Variants in DOCK4 observed in about 807,000 individuals in gnomAD.
The protein encoded by DOCK4 is dedicator of cytokinesis 4.
A neutral mutation model predicts 268.1 loss-of-function variants in DOCK4; 97 were observed. The observed-to-expected ratio is 0.36, with a 90% CI of 0.31 to 0.43. DOCK4 has a LOEUF of 0.43. Among genes scored for constraint, DOCK4 ranks in the 20% least tolerant of loss-of-function variants. DOCK4 has a pLI of 1.00. For synonymous variants in DOCK4, 954 were observed against 887.2 expected, an observed-to-expected ratio of 1.08 and a Z score of -1.34; for missense variants, 2,145 against 2,455.7, an observed-to-expected ratio of 0.87 and a Z score of 2.67.
intron 1 of DOCK4, among the ~76,000 whole-genome samples, chr7:112,172,511 A>G (rs542949212): frequency 6.6e-6 from 1 of 152,236 alleles, no homozygotes; most frequent in Non-Finnish European, 1.5e-5. Context: ...TATCAAGAGA[A>G]CAAGTGACTT....
intron 1 of DOCK4, among the ~76,000 whole-genome samples, chr7:112,119,466 T>G (rs1345499166): frequency 6.6e-6 from 1 of 152,196 alleles, no homozygotes; most frequent in Non-Finnish European, 1.5e-5. Context: ...AGATCTACAG[T>G]GCTGTTGGCA....
chr7:112,128,190 T>C (rs1412178347), intron 1 of DOCK4, among the ~76,000 whole-genome samples: 1 of 152,234 alleles, frequency 6.6e-6, no homozygotes, highest in African/African-American at 2.4e-5. Context: ...AGATTCTAAG[T>C]TCTGTAACCA....
At chr7:111,774,361 A>C (rs1269404346) in intron 36 of DOCK4, among the ~76,000 whole-genome samples, 1 of 152,114 alleles carries the variant, frequency 6.6e-6, no homozygotes, top group Non-Finnish European at 1.5e-5. Flanking sequence ...TCAGCTGCTC[A>C]GGAGTCTGAG....
At chr7:112,190,936 G>C (rs1431345261) in intron 1 of DOCK4, among the ~76,000 whole-genome samples, 1 of 152,172 alleles carries the variant, frequency 6.6e-6, no homozygotes, top group Non-Finnish European at 1.5e-5. Flanking sequence ...GAAGCCCCAG[G>C]TCCCAGCAGA....
At chr7:112,075,745 G>A (rs1808007729) in intron 1 of DOCK4, among the ~76,000 whole-genome samples, 1 of 151,784 alleles carries the variant, frequency 6.6e-6, no homozygotes, top group African/African-American at 2.4e-5. Flanking sequence ...ACTTTTGATA[G>A]TGCAAACATA....
intron 8 of DOCK4, among the ~76,000 whole-genome samples, chr7:111,961,709 C>A (rs1796910232): frequency 6.6e-6 from 1 of 152,186 alleles, no homozygotes; most frequent in Non-Finnish European, 1.5e-5. Context: ...ATATAACACT[C>A]AATGTCCTAG....
chr7:112,066,221 C>G (rs6958532), intron 1 of DOCK4, among the ~76,000 whole-genome samples: 1 of 151,874 alleles, frequency 6.6e-6, no homozygotes, highest in Non-Finnish European at 1.5e-5. Context: ...AGGGTCCAAA[C>G]AGAACAAAAG....
intron 8 of DOCK4, among the ~76,000 whole-genome samples, chr7:111,954,560 G>T (rs181723325): frequency 2.0e-5 from 3 of 152,134 alleles, no homozygotes; most frequent in Non-Finnish European, 4.4e-5. Flanking sequence ...GTCCCAAGGC[G>T]CAAGACCCAG....
intron 8 of DOCK4, among the ~76,000 whole-genome samples, chr7:111,961,595 G>A (rs1375496027): frequency 6.6e-6 from 1 of 152,158 alleles, no homozygotes; most frequent in African/African-American, 2.4e-5. Flanking sequence ...AGCATACAAG[G>A]TATTTTCTCT....
intron 22 of DOCK4, among the ~76,000 whole-genome samples, 157 bp downstream of exon 22, chr7:111,867,827 G>A (rs1385432858): frequency 1.3e-5 from 2 of 152,156 alleles, no homozygotes; most frequent in Non-Finnish European, 2.9e-5. Context: ...GAAGGTAGGG[G>A]AATTTTAAAA....
In DOCK4 at chr7:112,083,490, C is replaced by G. The variant is rs548720537; in HGVS notation, c.38-79359G>C. Among the ~76,000 whole-genome samples, 4 of 152,086 alleles carry G rather than the reference C, an allele frequency of 2.6e-5. 1 individual carries two copies. In the South Asian group the frequency reaches 8.3e-4, roughly 32 times the overall value. On this transcript the variant is annotated intron_variant, in intron 1 of 52. Transcript: ENST00000428084. ...TTTTATCTTTACATGTTGAGCTTAA[C>G]CCCTCATACCCAGAAGTCAAATTTC...
chr7:111,744,073 C>T (rs1490274544), intron 44 of DOCK4, among the ~76,000 whole-genome samples: 1 of 152,162 alleles, frequency 6.6e-6, no homozygotes, highest in Non-Finnish European at 1.5e-5. Flanking sequence ...CCTACCTCAA[C>T]CTCTGGACCT....
chr7:112,080,114 G>A (rs1230989326), intron 1 of DOCK4, among the ~76,000 whole-genome samples: 1 of 152,014 alleles, frequency 6.6e-6, no homozygotes, highest in African/African-American at 2.4e-5. Context: ...ATTCAAAAAA[G>A]AATCAGTATT....
intron 52 of DOCK4, among the ~76,000 whole-genome samples, chr7:111,730,720 CT>C (rs1036486084): frequency 6.6e-6 from 1 of 152,126 alleles, no homozygotes; most frequent in Non-Finnish European, 1.5e-5. Flanking sequence ...AGTGTGCCCC[CT>C]AATGTAACCC....
intron 17 of DOCK4, among the ~76,000 whole-genome samples, chr7:111,874,535 C>A (rs1284613688): frequency 6.6e-6 from 1 of 152,182 alleles, no homozygotes; most frequent in Non-Finnish European, 1.5e-5. Flanking sequence ...TGTAATTAAT[C>A]ATGTATGCAA....
intron 47 of DOCK4, 134 bp from the exon 48 acceptor site, chr7:111,739,611 A>G (rs1398321718): frequency 7.0e-6 from 5 of 710,516 alleles, no homozygotes; most frequent in Non-Finnish European, 1.2e-5. Flanking sequence ...GAAAATCTTA[A>G]TAACTTAGAT....
At chr7:112,116,153 C>T (rs1204711664) in intron 1 of DOCK4, among the ~76,000 whole-genome samples, 2 of 152,094 alleles carry the variant, frequency 1.3e-5, no homozygotes, top group Non-Finnish European at 2.9e-5. Context: ...TTAGCAGTCA[C>T]TCCTCATACC....
intron 24 of DOCK4, among the ~76,000 whole-genome samples, chr7:111,846,554 T>G (rs1380288534): frequency 1.3e-5 from 2 of 152,188 alleles, no homozygotes; most frequent in African/African-American, 4.8e-5. Flanking sequence ...ACCCCTAATC[T>G]CCTGGGGCTG....
rs1414073677 is a variant in DOCK4 at position 111,726,680 on chromosome 7, A to G, written c.*1594T>C. The G allele has an allele frequency of 6.6e-6, 1 of 152,648 alleles. No individual in the cohort carries two copies. The highest frequency in any genetic ancestry group is 2.4e-5 in the African/African-American group (1 of 41,482). 9.5% of individuals were successfully genotyped at this position (152,648 alleles called of 1,614,324 possible). On this transcript the variant is annotated 3_prime_UTR_variant, in exon 53 of 53. Transcript: ENST00000428084. ...TCAATATGGCAGAATTGTTAAAAGCACATATGTACAAATATTCTTTTTCCA... is the reference window on the plus strand; with the variant it reads ...TCAATATGGCAGAATTGTTAAAAGCGCATATGTACAAATATTCTTTTTCCA...
Sources: gnomAD v4.1 joint callset for allele counts (sites outside exome capture counted in the v4.1 genomes callset) on GRCh38, gnomAD v4.1.1 for gene constraint, MANE v1.5 for transcripts, NCBI Gene and HGNC (gene_info 2026-07-23, HGNC 2026-07-21) for gene names.